The following LYPLAL1 variants were observed in gnomAD, a reference collection of about 807,000 sequenced individuals.
LYPLAL1 encodes lysophospholipase-like protein 1.
In LYPLAL1, 23 loss-of-function variants were observed where a neutral mutation model predicts 19.7. The ratio of observed to expected loss-of-function variants is 1.17; its 90% CI spans 0.84 to 1.65. The LOEUF is 1.65. Among genes scored for constraint, LYPLAL1 ranks in the 40% most tolerant of loss-of-function variants. The pLI is 0.00. For missense variants in LYPLAL1, 355 were observed against 279.4 expected (o/e 1.27, Z -1.93); for synonymous variants, 119 against 96.3 (o/e 1.24, Z -1.38).
chr1:219,213,058 C>G (rs1330002627), downstream of LYPLAL1, among the ~76,000 whole-genome samples: 1 of 152,004 alleles, frequency 6.6e-6, no homozygotes. Context: ...CTCATTATGA[C>G]TCCTTTATCC....
the LYPLAL1 span, among the ~76,000 whole-genome samples, chr1:219,290,248 G>T: frequency 6.6e-6 from 1 of 152,184 alleles, no homozygotes; most frequent in Admixed American, 6.5e-5. Context: ...TCTCCTGCTA[G>T]TGTGCTTCCA....
chr1:219,326,316 G>A, the LYPLAL1 span, among the ~76,000 whole-genome samples: 2 of 144,360 alleles, frequency 1.4e-5, no homozygotes, highest in Non-Finnish European at 3.1e-5. Flanking sequence ...GGGTTGGGGG[G>A]TGGGGGGGCA....
chr1:219,219,252 G>T, the LYPLAL1 span, among the ~76,000 whole-genome samples: 11 of 152,118 alleles, frequency 7.2e-5, no homozygotes, highest in African/African-American at 2.4e-4. Context: ...CTCAGACTGT[G>T]CTTAAATAAC....
chr1:219,248,154 A>G, the LYPLAL1 span, among the ~76,000 whole-genome samples: 1 of 152,168 alleles, frequency 6.6e-6, no homozygotes, highest in African/African-American at 2.4e-5. Context: ...TGAAGTTTTA[A>G]GAGTCAAATG....
At chr1:219,280,103 T>A in the LYPLAL1 span, among the ~76,000 whole-genome samples, 1 of 152,106 alleles carries the variant, frequency 6.6e-6, no homozygotes, top group East Asian at 1.9e-4. Context: ...CTCTGAAAAT[T>A]TTTTAGAAGT....
At chr1:219,359,680 A>T in the LYPLAL1 span, among the ~76,000 whole-genome samples, 1 of 152,224 alleles carries the variant, frequency 6.6e-6, no homozygotes, top group Non-Finnish European at 1.5e-5. Context: ...AAAAATCTAC[A>T]AACAGACACA....
At chr1:219,193,729 A>G (rs1306332164) in intron 3 of LYPLAL1, among the ~76,000 whole-genome samples, 1 of 151,868 alleles carries the variant, frequency 6.6e-6, no homozygotes, top group Non-Finnish European at 1.5e-5. Context: ...AAGGGAATAT[A>G]AGTAGCTTTA....
chr1:219,174,439 G>A, intron 1 of LYPLAL1: 1 of 336,748 alleles, frequency 3.0e-6, no homozygotes, highest in Non-Finnish European at 4.3e-6. Context: ...AGTTAACTTA[G>A]ATACTGTTTA....
chr1:219,364,785 G>A, the LYPLAL1 span, among the ~76,000 whole-genome samples: 10 of 152,076 alleles, frequency 6.6e-5, no homozygotes, highest in African/African-American at 1.2e-4. Context: ...AAAATATAGT[G>A]AGTCTTTAAT....
chr1:219,337,498 G>A, the LYPLAL1 span, among the ~76,000 whole-genome samples: 72 of 152,124 alleles, frequency 4.7e-4, no homozygotes, highest in South Asian at 0.014. Context: ...TAAAGCAGGA[G>A]CACATGGGAG....
At chr1:219,439,907 C>T in the LYPLAL1 span, among the ~76,000 whole-genome samples, 1 of 149,058 alleles carries the variant, frequency 6.7e-6, no homozygotes, top group African/African-American at 2.5e-5. Flanking sequence ...TGCTTTATGG[C>T]ATAATCACAC....
At chr1:219,430,991 T>C in the LYPLAL1 span, among the ~76,000 whole-genome samples, 1 of 152,016 alleles carries the variant, frequency 6.6e-6, no homozygotes, top group Non-Finnish European at 1.5e-5. Flanking sequence ...CGGAAGAGTT[T>C]TTAAGGGGGC....
At chr1:219,295,482 G>A in the LYPLAL1 span, among the ~76,000 whole-genome samples, 3 of 152,186 alleles carry the variant, frequency 2.0e-5, no homozygotes, top group Non-Finnish European at 4.4e-5. Context: ...TATAAATTCA[G>A]TATTGAAAAG....
the LYPLAL1 span, among the ~76,000 whole-genome samples, chr1:219,373,863 C>CA: frequency 9.0e-3 from 920 of 102,056 alleles, 6 homozygotes; most frequent in South Asian, 0.025. Flanking sequence ...ATAAAATTGT[C>CA]AAAAAAAAAA....
At chr1:219,235,920 A>G in the LYPLAL1 span, among the ~76,000 whole-genome samples, 2 of 152,164 alleles carry the variant, frequency 1.3e-5, no homozygotes, top group African/African-American at 2.4e-5. Context: ...TGGTGTTTCA[A>G]CAATATTGTT....
the LYPLAL1 span, among the ~76,000 whole-genome samples, chr1:219,345,655 T>C: frequency 2.6e-5 from 4 of 152,086 alleles, no homozygotes; most frequent in South Asian, 8.3e-4. Flanking sequence ...AGATCTGGGG[T>C]GGGTGAGGTG....
chr1:219,408,069 A>G, the LYPLAL1 span, among the ~76,000 whole-genome samples: 3 of 151,956 alleles, frequency 2.0e-5, no homozygotes, highest in Non-Finnish European at 4.4e-5. Context: ...ACAAACATTC[A>G]CTCTATAACA....
chr1:219,280,731 C>CA, the LYPLAL1 span, among the ~76,000 whole-genome samples: 1 of 152,010 alleles, frequency 6.6e-6, no homozygotes, highest in Non-Finnish European at 1.5e-5. Flanking sequence ...GGACCCTCTG[C>CA]AAAAGGACTC....
chr1:219,189,961 C>T (rs921606311), intron 2 of LYPLAL1, among the ~76,000 whole-genome samples: 1 of 151,530 alleles, frequency 6.6e-6, no homozygotes, highest in Non-Finnish European at 1.5e-5. Flanking sequence ...GGGAACTTAC[C>T]TTACACAACT....
Sources: allele counts gnomAD v4.1 joint callset (sites outside exome capture counted in the v4.1 genomes callset), GRCh38; gene constraint gnomAD v4.1.1; transcripts MANE v1.5; gene names NCBI Gene and HGNC (gene_info 2026-07-23, HGNC 2026-07-21).